Variants in WWOX observed in about 807,000 individuals in gnomAD.
WWOX encodes WW domain-containing oxidoreductase.
In WWOX, 69 loss-of-function variants were observed where a neutral mutation model predicts 46.2. The observed-to-expected ratio is 1.49, with a 90% CI of 1.23 to 1.82. The LOEUF is 1.82. WWOX is among the 40% of genes most tolerant of loss of function. The pLI is 0.00. For missense variants in WWOX, 919 were observed against 542.6 expected (o/e 1.69, Z -6.89); for synonymous variants, 359 against 202.6 (o/e 1.77, Z -6.56).
chr16:79,042,948 C>T (rs2048000425), intron 8 of WWOX, among the ~76,000 whole-genome samples: 1 of 152,122 alleles, frequency 6.6e-6, no homozygotes, highest in South Asian at 2.1e-4. Flanking sequence ...CCTATGGATG[C>T]CCTCATTTCT....
chr16:78,759,981 A>G (rs532913429), intron 8 of WWOX, among the ~76,000 whole-genome samples: 13 of 152,150 alleles, frequency 8.5e-5, no homozygotes, highest in East Asian at 5.8e-4. Context: ...CCCTCTTACA[A>G]TGACCCTTTT....
At chr16:78,639,015 C>T (rs548336191) in intron 8 of WWOX, among the ~76,000 whole-genome samples, 34 of 152,220 alleles carry the variant, frequency 2.2e-4, no homozygotes, top group African/African-American at 7.7e-4. Flanking sequence ...GGCTGCTTTC[C>T]TTTATAATCT....
At chr16:78,944,200 C>G (rs948512500) in intron 8 of WWOX, among the ~76,000 whole-genome samples, 3 of 152,078 alleles carry the variant, frequency 2.0e-5, no homozygotes, top group Non-Finnish European at 4.4e-5. Flanking sequence ...TCCCATCCTT[C>G]TGGATAATCT....
At chr16:78,423,324 A>G (rs182893246) in intron 6 of WWOX, among the ~76,000 whole-genome samples, 122 of 150,902 alleles carry the variant, frequency 8.1e-4, no homozygotes, top group Middle Eastern at 3.4e-3. Context: ...AGATTTGTTT[A>G]TGATTTTAAT....
At chr16:79,087,196 T>C (rs535855900) in intron 8 of WWOX, among the ~76,000 whole-genome samples, 4 of 152,312 alleles carry the variant, frequency 2.6e-5, no homozygotes, top group African/African-American at 9.6e-5. Flanking sequence ...TGCCATGATT[T>C]CAAGCCCTTC....
intron 8 of WWOX, among the ~76,000 whole-genome samples, chr16:78,976,280 A>C (rs1046889977): frequency 6.6e-6 from 1 of 152,160 alleles, no homozygotes; most frequent in Non-Finnish European, 1.5e-5. Flanking sequence ...AAACACTCCT[A>C]CTTCTTTCTG....
intron 5 of WWOX, among the ~76,000 whole-genome samples, chr16:78,295,234 G>A (rs1164322947): frequency 6.6e-6 from 1 of 152,172 alleles, no homozygotes; most frequent in Non-Finnish European, 1.5e-5. Context: ...AGAGAGTGGC[G>A]AGGATTAATC....
At chr16:79,122,664 T>C (rs77047594) in intron 8 of WWOX, among the ~76,000 whole-genome samples, 6,095 of 152,088 alleles carry the variant, frequency 0.04, 164 homozygotes, top group Middle Eastern at 0.075. Flanking sequence ...ATTCCTTAAT[T>C]TGTTTTTGGG....
At position 78,178,414 on chromosome 16, in the gene WWOX, G is replaced by A. The variant is rs554030812; in HGVS notation, c.516+14125G>A. ...ACCTTGTTGTCAAGCAGGCTGCTAC[G>A]CTTTTATTCTAGAGCGTCTTTCATC... On this transcript the variant is annotated intron_variant, in intron 5 of 8. Transcript: ENST00000566780. 3.9e-5 allele frequency among the ~76,000 whole-genome samples: 6 copies of A among 152,310 alleles called. No homozygotes were observed. The South Asian group carries it at 8.3e-4, about 21-fold the overall frequency.
At chr16:78,670,161 T>G (rs2047425978) in intron 8 of WWOX, among the ~76,000 whole-genome samples, 3 of 152,166 alleles carry the variant, frequency 2.0e-5, no homozygotes, top group Non-Finnish European at 4.4e-5. Flanking sequence ...TATTCACCCC[T>G]TATTCTCTGG....
chr16:79,024,445 T>C (rs1007076726), intron 8 of WWOX, among the ~76,000 whole-genome samples: 1 of 151,926 alleles, frequency 6.6e-6, no homozygotes, highest in Non-Finnish European at 1.5e-5. Context: ...TTTTTTTTCT[T>C]TGTTTTGAGA....
Position 78,365,795 on chromosome 16 carries a change from C to G in WWOX, c.517-21065C>G, listed in dbSNP as rs74027878. ...TTCTGCGTGCCCCTCCTCTATGGCT[C>G]CCCCCACCAAATTTCTGTGTCTTCA... is the stretch of plus-strand genomic sequence containing the variant. On this transcript the variant is annotated intron_variant, in intron 5 of 8. Transcript: ENST00000566780. Among the ~76,000 whole-genome samples the G allele has an allele frequency of 6.2e-3, 936 of 152,158 alleles. 14 individuals carry two copies. Among genetic ancestry groups the G allele is most frequent in the African/African-American group, 0.02 (829 of 41,498 alleles).
chr16:79,186,354 TCTCCTTGC>T (rs2051014780), intron 8 of WWOX, among the ~76,000 whole-genome samples: 1 of 152,154 alleles, frequency 6.6e-6, no homozygotes, highest in Non-Finnish European at 1.5e-5. Context: ...TCTAGAGAAC[TCTCCTTGC>T]TCCTCTCGCT....
At chr16:78,286,283 G>C (rs183951005) in intron 5 of WWOX, among the ~76,000 whole-genome samples, 110 of 152,340 alleles carry the variant, frequency 7.2e-4, no homozygotes, top group Non-Finnish European at 1.2e-3. Context: ...ACATGCTGCT[G>C]TACCATATGG....
At position 78,875,972 on chromosome 16, in the gene WWOX, G is replaced by C. The variant is rs543903056; in HGVS notation, c.1057-335636G>C. Among the ~76,000 whole-genome samples, 26 of 152,134 alleles carry C rather than the reference G, an allele frequency of 1.7e-4. No individual in the cohort carries two copies. The South Asian group carries it at 5.2e-3, about 30-fold the overall frequency. Reference sequence around the variant, plus strand: ...CTCCCTTATCTAGTCCTACAGATTTGTTTTGTTTTGAGTTATACCCACTTT... The same window carrying C: ...CTCCCTTATCTAGTCCTACAGATTTCTTTTGTTTTGAGTTATACCCACTTT... On this transcript the variant is annotated intron_variant, in intron 8 of 8. Transcript: ENST00000566780.
At chr16:78,741,315 T>G (rs1597526849) in intron 8 of WWOX, among the ~76,000 whole-genome samples, 1 of 151,850 alleles carries the variant, frequency 6.6e-6, no homozygotes, top group South Asian at 2.1e-4. Context: ...AATCCCAGCA[T>G]TTTGGGAGGC....
At chr16:78,801,120 C>A (rs1256313317) in intron 8 of WWOX, among the ~76,000 whole-genome samples, 2 of 151,324 alleles carry the variant, frequency 1.3e-5, no homozygotes, top group African/African-American at 2.4e-5. Flanking sequence ...GTGGTGCAAT[C>A]TTGGCTCACT....
In WWOX at chr16:78,355,643, C is replaced by T. The variant is rs1309885129; in HGVS notation, c.517-31217C>T. 1.4e-5 allele frequency: 9 copies of T among 633,006 alleles called. No homozygotes were observed. In the East Asian group the frequency reaches 1.6e-4, roughly 11 times the overall value. 39.2% of individuals were successfully genotyped at this position (633,006 alleles called of 1,614,324 possible). ...GAAAATGAGAAACGACCGAGAGCTT[C>T]GAGGCAGATTACATACTTATGATCA... On this transcript the variant is annotated intron_variant, in intron 5 of 8. Coordinates refer to ENST00000566780, the MANE Select transcript of WWOX (RefSeq NM_016373.4).
At chr16:78,686,468 G>A (rs1372866987) in intron 8 of WWOX, among the ~76,000 whole-genome samples, 1 of 151,378 alleles carries the variant, frequency 6.6e-6, no homozygotes, top group Admixed American at 6.6e-5. Flanking sequence ...CAGAGATGGT[G>A]CCACTGTACT....
Sources: gnomAD v4.1 joint callset for allele counts (sites outside exome capture counted in the v4.1 genomes callset) on GRCh38, gnomAD v4.1.1 for gene constraint, MANE v1.5 for transcripts, NCBI Gene and HGNC (gene_info 2026-07-23, HGNC 2026-07-21) for gene names.